DST: variants seen among roughly 807,000 people sequenced by gnomAD.
DST encodes dystonin.
In DST, 253 loss-of-function variants were observed where a neutral mutation model predicts 875.2. The observed-to-expected ratio is 0.29, with a 90% CI of 0.26 to 0.32. The LOEUF (loss-of-function observed/expected upper bound fraction) is 0.32. DST is among the 10% of genes least tolerant of loss of function. The probability of loss-of-function intolerance (pLI) is 1.00; values close to 1 mark genes in which losing one functional copy is unlikely to be tolerated. For synonymous variants in DST, 3,124 were observed against 3,197.1 expected, an observed-to-expected ratio of 0.98 and a Z score of 0.77; for missense variants, 8,287 against 9,111.6, an observed-to-expected ratio of 0.91 and a Z score of 3.68.
intron 3 of DST, chr6:56,871,279 G>A (rs902839537): frequency 3.1e-5 from 24 of 784,678 alleles, no homozygotes; most frequent in Admixed American, 2.0e-4. Flanking sequence ...AAGAACACTC[G>A]TGAAACTGCC....
Position 56,646,102 on chromosome 6 carries a change from T to C in DST, c.1635A>G (p.Leu545=). The part of the protein sequence containing the change: ...KETEKSKIKR[L]YKLLEIWIEF... ...TTGAGCTTACCTCTAATAATTTATA[T>C]AGACGTTTAATTTTTGATTTTTCTG... The change falls in exon 14 of 104, where the codon CTA becomes CTG. Residue 545 remains leucine (L), a synonymous_variant. Transcript: ENST00000680361. The C allele has an allele frequency of 1.3e-6, 2 of 1,547,762 alleles. No homozygotes were observed. The highest frequency in any genetic ancestry group is 1.2e-5 in the South Asian group (1 of 83,636).
intron 5 of DST, among the ~76,000 whole-genome samples, chr6:56,723,231 G>A (rs1189162993): frequency 6.6e-6 from 1 of 152,154 alleles, no homozygotes; most frequent in Non-Finnish European, 1.5e-5. Context: ...GAACCAAAAG[G>A]GTAAGTCATC....
chr6:56,768,323 G>A (rs1392933082), intron 4 of DST, among the ~76,000 whole-genome samples: 1 of 152,134 alleles, frequency 6.6e-6, no homozygotes, highest in East Asian at 1.9e-4. Flanking sequence ...GAAACAGTGT[G>A]GTTTTGGCAA....
intron 44 of DST, among the ~76,000 whole-genome samples, chr6:56,600,789 G>A (rs2098439125): frequency 6.6e-6 from 1 of 152,000 alleles, no homozygotes; most frequent in South Asian, 2.1e-4. Flanking sequence ...AGATTAAGAA[G>A]TCAACACTAA....
At chr6:56,641,618 T>A (rs1304651007) in intron 17 of DST, among the ~76,000 whole-genome samples, 1 of 152,112 alleles carries the variant, frequency 6.6e-6, no homozygotes, top group Non-Finnish European at 1.5e-5. Flanking sequence ...TTTTCTTAGA[T>A]TTTTTTCTCT....
intron 2 of DST, among the ~76,000 whole-genome samples, chr6:56,914,141 AT>A (rs1231612335): frequency 2.0e-5 from 3 of 152,210 alleles, no homozygotes; most frequent in Non-Finnish European, 4.4e-5. Flanking sequence ...AAAATGAACC[AT>A]AAAAAGAAAA....
At chr6:56,684,589 A>T (rs1320620061) in intron 9 of DST, among the ~76,000 whole-genome samples, 2 of 152,022 alleles carry the variant, frequency 1.3e-5, no homozygotes, top group East Asian at 3.9e-4. Flanking sequence ...GACCTAGGGT[A>T]TGGGCCCAGG....
chr6:56,822,234 C>T (rs567774131), intron 4 of DST, among the ~76,000 whole-genome samples: 56 of 152,182 alleles, frequency 3.7e-4, no homozygotes, highest in Non-Finnish European at 7.2e-4. Flanking sequence ...ATAAACAACA[C>T]GCAGCACAGG....
chr6:56,619,264 C>A (rs1455062886), intron 36 of DST: 1 of 1,612,946 alleles, frequency 6.2e-7, no homozygotes, highest in Non-Finnish European at 8.5e-7. Flanking sequence ...GAATTCTCTG[C>A]ATCATTAATT....
intron 4 of DST, among the ~76,000 whole-genome samples, chr6:56,777,186 A>C (rs114698329): frequency 0.024 from 3,648 of 152,222 alleles, 167 homozygotes; most frequent in African/African-American, 0.079. Context: ...AGTACAAGAC[A>C]TTTATGTTTA....
intron 4 of DST, among the ~76,000 whole-genome samples, chr6:56,796,056 A>T (rs910708537): frequency 8.5e-5 from 13 of 152,208 alleles, no homozygotes; most frequent in African/African-American, 2.9e-4. Flanking sequence ...GCAACCCCGG[A>T]GTGATGGTTA....
chr6:56,529,791 A>G lies in DST; in HGVS notation c.17269-17T>C. ...TTCTAAGGCCTAAGCAAAGTTTAAA[A>G]AAATAAAGAAGAAAAACAAAAAGAA... On this transcript the variant is annotated splice_polypyrimidine_tract_variant and intron_variant, in intron 65 of 103. Transcript: ENST00000680361. 1.3e-6 allele frequency: 2 copies of G among 1,499,954 alleles called. No individual in the cohort carries two copies. Among genetic ancestry groups the G allele is most frequent in the Non-Finnish European group, 1.8e-6 (2 of 1,127,220 alleles). 92.9% of individuals were successfully genotyped at this position (1,499,954 alleles called of 1,614,324 possible). A position where few individuals can be genotyped will look rare whatever the true frequency, so the allele number is the denominator to read the frequency against.
intron 4 of DST, among the ~76,000 whole-genome samples, chr6:56,774,595 T>C (rs775605291): frequency 5.9e-5 from 9 of 152,222 alleles, no homozygotes; most frequent in Non-Finnish European, 7.3e-5. Context: ...CTAACTATGA[T>C]GAAATATGCT....
chr6:56,881,825 T>C (rs184986562), intron 3 of DST, among the ~76,000 whole-genome samples: 52 of 152,192 alleles, frequency 3.4e-4, no homozygotes, highest in Admixed American at 2.0e-3. Flanking sequence ...AGTGGAAGAA[T>C]TCAAGCCTGA....
intron 61 of DST, among the ~76,000 whole-genome samples, chr6:56,544,105 C>T (rs2097183715): frequency 6.6e-6 from 1 of 152,170 alleles, no homozygotes; most frequent in Non-Finnish European, 1.5e-5. Flanking sequence ...TGTTCAAGCA[C>T]ACAGGCTGTA....
Position 56,767,994 on chromosome 6 carries a change from T to C in DST, c.626-32705A>G, listed in dbSNP as rs146187379. ...GACCAAGACAAAAAGTATTAAAAGATGAAGCTAAAGAGGTAACAGAAGAGC... is the reference window on the plus strand; with the variant it reads ...GACCAAGACAAAAAGTATTAAAAGACGAAGCTAAAGAGGTAACAGAAGAGC... On this transcript the variant is annotated intron_variant, in intron 4 of 103. Coordinates refer to ENST00000680361, the MANE Select transcript of DST (RefSeq NM_001374736.1). 3.7e-4 allele frequency among the ~76,000 whole-genome samples: 56 copies of C among 152,222 alleles called. No homozygotes were observed. The East Asian group carries it at 8.9e-3, about 24-fold the overall frequency.
chr6:56,883,813 A>G (rs943792595), intron 3 of DST, among the ~76,000 whole-genome samples: 1 of 152,108 alleles, frequency 6.6e-6, no homozygotes, highest in African/African-American at 2.4e-5. Flanking sequence ...GAGGGATTTT[A>G]TTTCATTATT....
At chr6:56,628,717 T>A (rs2098753875) in intron 32 of DST, among the ~76,000 whole-genome samples, 1 of 152,244 alleles carries the variant, frequency 6.6e-6, no homozygotes, top group African/African-American at 2.4e-5. Flanking sequence ...GCATTTTATT[T>A]GCATTAATAT....
chr6:56,886,023 T>C (rs1784529352), intron 3 of DST, among the ~76,000 whole-genome samples: 1 of 152,186 alleles, frequency 6.6e-6, no homozygotes, highest in Non-Finnish European at 1.5e-5. Context: ...AGCATGGGCT[T>C]GATAGTATTA....
Sources: allele counts gnomAD v4.1 joint callset (sites outside exome capture counted in the v4.1 genomes callset), GRCh38; gene constraint gnomAD v4.1.1; transcripts MANE v1.5; gene names NCBI Gene and HGNC (gene_info 2026-07-23, HGNC 2026-07-21).